The following TAFA2 variants were observed in gnomAD, a reference collection of about 807,000 sequenced individuals.
The protein encoded by TAFA2 is chemokine-like protein TAFA-2.
In TAFA2, 7 loss-of-function variants were observed where a neutral mutation model predicts 18.8. The ratio of observed to expected loss-of-function variants is 0.37; its 90% CI spans 0.21 to 0.70. The LOEUF is 0.70. TAFA2 is among the 30% of genes least tolerant of loss of function. The probability of loss-of-function intolerance (pLI) is 0.53; values close to 1 mark genes in which losing one functional copy is unlikely to be tolerated. For missense variants in TAFA2, 122 were observed against 158.1 expected (o/e 0.77, Z 1.23); for synonymous variants, 60 against 54.2 (o/e 1.11, Z -0.47).
At chr12:61,933,061 C>G (rs150595712) in intron 1 of TAFA2, among the ~76,000 whole-genome samples, 2 of 152,188 alleles carry the variant, frequency 1.3e-5, no homozygotes, top group East Asian at 1.9e-4. Flanking sequence ...ATCCAGTTTT[C>G]CCCCAAACTA....
At chr12:62,199,433 C>A (rs1055175464) in intron 1 of TAFA2, among the ~76,000 whole-genome samples, 1 of 150,830 alleles carries the variant, frequency 6.6e-6, no homozygotes, top group Admixed American at 6.6e-5. Context: ...TTGTTCAGCT[C>A]CCACTTATAA....
At chr12:61,955,067 A>C (rs1878603819) in intron 1 of TAFA2, among the ~76,000 whole-genome samples, 1 of 152,122 alleles carries the variant, frequency 6.6e-6, no homozygotes, top group South Asian at 2.1e-4. Flanking sequence ...GGTAGACTAC[A>C]TCATCTGGAA....
chr12:62,189,650 G>T (rs552046544), intron 1 of TAFA2, among the ~76,000 whole-genome samples: 1 of 152,266 alleles, frequency 6.6e-6, no homozygotes, highest in African/African-American at 2.4e-5. Context: ...TAAAGCTTTA[G>T]AAGTGTTTTT....
At chr12:62,259,273 A>G (rs1419169493), upstream of TAFA2, among the ~76,000 whole-genome samples, 2 of 152,212 alleles carry the variant, frequency 1.3e-5, no homozygotes, top group Non-Finnish European at 2.9e-5. Flanking sequence ...TTTTGCCACA[A>G]TTCATTTACT....
intron 1 of TAFA2, among the ~76,000 whole-genome samples, chr12:62,245,548 C>T (rs1044288731): frequency 1.3e-5 from 2 of 149,806 alleles, no homozygotes; most frequent in Non-Finnish European, 3.0e-5. Flanking sequence ...TTTAGTATGA[C>T]TTAGTTTTCT....
intron 1 of TAFA2, among the ~76,000 whole-genome samples, chr12:61,970,812 T>A (rs1305593785): frequency 1.4e-5 from 2 of 145,286 alleles, no homozygotes; most frequent in Non-Finnish European, 3.0e-5. Context: ...TTGAGAGTGG[T>A]AAAGAAAAAT....
chr12:61,873,511 G>A (rs1874712004), intron 1 of TAFA2, among the ~76,000 whole-genome samples: 1 of 152,018 alleles, frequency 6.6e-6, no homozygotes, highest in South Asian at 2.1e-4. Flanking sequence ...AGTGAGCGTA[G>A]ATTATGAAAG....
chr12:61,890,756 T>C lies in TAFA2; in HGVS notation c.-1-23330A>G, dbSNP rs191241773. Reference sequence around the variant, plus strand: ...TGCAGGATCCTGACTGGCTATAATATGCCAGACTTCTCCCCGGGGACAGAG... The same window carrying C: ...TGCAGGATCCTGACTGGCTATAATACGCCAGACTTCTCCCCGGGGACAGAG... On this transcript the variant is annotated intron_variant, in intron 1 of 4. Coordinates refer to ENST00000416284, the MANE Select transcript of TAFA2 (RefSeq NM_178539.5). 1.1e-3 allele frequency among the ~76,000 whole-genome samples: 160 copies of C among 152,318 alleles called. 1 individual carries two copies. The highest frequency in any genetic ancestry group is 2.7e-3 in the African/African-American group (111 of 41,568).
At chr12:62,111,760 T>C (rs1869741738) in intron 1 of TAFA2, among the ~76,000 whole-genome samples, 1 of 152,136 alleles carries the variant, frequency 6.6e-6, no homozygotes. Context: ...TGTCTTTTTT[T>C]ATCTTTGTTG....
At chr12:61,968,022 T>G (rs1879126468) in intron 1 of TAFA2, among the ~76,000 whole-genome samples, 1 of 151,772 alleles carries the variant, frequency 6.6e-6, no homozygotes, top group Non-Finnish European at 1.5e-5. Flanking sequence ...ATTCATTATT[T>G]AGCAGACATC....
chr12:61,884,630 T>A (rs1345079201), intron 1 of TAFA2, among the ~76,000 whole-genome samples: 1 of 152,182 alleles, frequency 6.6e-6, no homozygotes, highest in Non-Finnish European at 1.5e-5. Context: ...ACAGAGTTTA[T>A]AATTTGTTTC....
At chr12:61,795,107 T>C (rs1165121342) in intron 2 of TAFA2, among the ~76,000 whole-genome samples, 4 of 152,172 alleles carry the variant, frequency 2.6e-5, no homozygotes, top group African/African-American at 7.2e-5. Context: ...TGTGGAGAAA[T>C]AGGAACACTT....
intron 4 of TAFA2, among the ~76,000 whole-genome samples, chr12:61,725,694 G>A (rs1870130829): frequency 6.6e-6 from 1 of 152,060 alleles, no homozygotes; most frequent in Non-Finnish European, 1.5e-5. Context: ...TAGCCTTATA[G>A]TATAGTTTGA....
chr12:62,045,124 T>C (rs10506435), intron 1 of TAFA2, among the ~76,000 whole-genome samples: 19,186 of 152,182 alleles, frequency 0.13, 1,341 homozygotes, highest in Non-Finnish European at 0.15. Context: ...TACTCTTTAC[T>C]TAATGTAGAC....
chr12:62,215,703 G>A (rs1476810528), intron 1 of TAFA2, among the ~76,000 whole-genome samples: 3 of 134,518 alleles, frequency 2.2e-5, no homozygotes, highest in African/African-American at 8.3e-5. Context: ...TTGCTTAAGA[G>A]AAACAACTTG....
At chr12:62,245,763 A>T (rs1241700406) in intron 1 of TAFA2, among the ~76,000 whole-genome samples, 1 of 147,740 alleles carries the variant, frequency 6.8e-6, no homozygotes, top group African/African-American at 2.5e-5. Context: ...TATATAAAGC[A>T]ATATATATAT....
intron 1 of TAFA2, among the ~76,000 whole-genome samples, chr12:62,083,993 A>T (rs74096201): frequency 0.011 from 1,720 of 152,310 alleles, 38 homozygotes; most frequent in African/African-American, 0.039. Flanking sequence ...GAAAAGATAC[A>T]TCAATATTCT....
At chr12:62,231,496 T>C (rs981196690) in intron 1 of TAFA2, among the ~76,000 whole-genome samples, 10 of 152,236 alleles carry the variant, frequency 6.6e-5, no homozygotes, top group African/African-American at 2.4e-4. Flanking sequence ...GTAGGCAGCA[T>C]ATAGTTACGT....
At chr12:61,911,346 C>T (rs7980473) in intron 1 of TAFA2, among the ~76,000 whole-genome samples, 121,694 of 152,116 alleles carry the variant, frequency 0.8, 49,322 homozygotes, top group African/African-American at 0.92. Flanking sequence ...CCCAATCCTT[C>T]GAAAATTCCA....
Sources: allele counts gnomAD v4.1 joint callset (sites outside exome capture counted in the v4.1 genomes callset), GRCh38; gene constraint gnomAD v4.1.1; transcripts MANE v1.5; gene names NCBI Gene and HGNC (gene_info 2026-07-23, HGNC 2026-07-21).